AHRR: variants seen among roughly 807,000 people sequenced by gnomAD.
The protein encoded by AHRR is aryl hydrocarbon receptor repressor.
A neutral mutation model predicts 44.0 loss-of-function variants in AHRR; 28 were observed. That is an observed-to-expected ratio of 0.64 (90% CI 0.47 to 0.87). The LOEUF is 0.87. AHRR is among the 40% of genes least tolerant of loss of function. The pLI is 0.00. For synonymous variants in AHRR, 434 were observed against 407.0 expected (o/e 1.07, Z -0.80); for missense variants, 990 against 953.9 (o/e 1.04, Z -0.50).
At chr5:367,096 G>C (rs572834305) in intron 3 of AHRR, among the ~76,000 whole-genome samples, 1 of 152,378 alleles carries the variant, frequency 6.6e-6, no homozygotes, top group Admixed American at 6.5e-5. Flanking sequence ...TCATCTCAAA[G>C]CATAAGCAGG....
chr5:411,155 T>C lies in AHRR; in HGVS notation c.352-2189T>C, dbSNP rs1376084264. ...ACCATTTTCATGGATTTTTGACTCTTACCTTTATTTTTTCTTTCCTTTTAC... is the reference window on the plus strand; with the variant it reads ...ACCATTTTCATGGATTTTTGACTCTCACCTTTATTTTTTCTTTCCTTTTAC... On this transcript the variant is annotated intron_variant, in intron 4 of 10. Coordinates refer to ENST00000684583, the MANE Select transcript of AHRR (RefSeq NM_001377236.1). The surrounding 1 kb of genome is among the most constrained non-coding windows in gnomAD (Gnocchi z 4.2). Among the ~76,000 whole-genome samples the C allele has an allele frequency of 6.6e-6, 1 of 152,192 alleles. No homozygotes were observed. The highest frequency in any genetic ancestry group is 1.5e-5 in the Non-Finnish European group (1 of 68,046).
At chr5:426,524 G>A (rs948450707) in intron 7 of AHRR, among the ~76,000 whole-genome samples, 1 of 150,548 alleles carries the variant, frequency 6.6e-6, no homozygotes, top group African/African-American at 2.4e-5. Flanking sequence ...GGATGAATGG[G>A]AAGATGACGG....
At chr5:353,948 T>A in intron 3 of AHRR, 37 bp downstream of exon 3, 1 of 1,581,566 alleles carries the variant, frequency 6.3e-7, no homozygotes. Context: ...TTCACTTGAG[T>A]CAGGCTGTGT....
chr5:401,396 TG>T (rs1387515947), intron 4 of AHRR, among the ~76,000 whole-genome samples: 1 of 152,232 alleles, frequency 6.6e-6, no homozygotes, highest in East Asian at 1.9e-4. Context: ...GGTTGCTCCC[TG>T]TCTGCATCAC....
intron 1 of AHRR, among the ~76,000 whole-genome samples, chr5:340,686 ATATTTTTTTT>A (rs1334346271): frequency 0.011 from 212 of 19,476 alleles, 3 homozygotes; most frequent in South Asian, 0.063. Context: ...ATATATATAT[ATATTTTTTTT>A]TTTTTTTTTT....
chr5:364,223 T>C (rs1276580915), intron 3 of AHRR, among the ~76,000 whole-genome samples: 1 of 152,150 alleles, frequency 6.6e-6, no homozygotes, highest in Non-Finnish European at 1.5e-5. Flanking sequence ...GAGATAACTT[T>C]ATTAAAGGAG....
intron 5 of AHRR, among the ~76,000 whole-genome samples, chr5:421,520 G>A (rs1455794626): frequency 1.3e-5 from 2 of 152,206 alleles, no homozygotes; most frequent in Non-Finnish European, 2.9e-5. Context: ...CGGTGTGTTC[G>A]TGATTGGGCG....
intron 2 of AHRR, among the ~76,000 whole-genome samples, chr5:351,475 C>T (rs919202832): frequency 2.6e-5 from 4 of 152,162 alleles, no homozygotes; most frequent in African/African-American, 7.2e-5. Context: ...CTTGAAAACA[C>T]GAGGCTGTGA....
rs2126442352 is a variant in AHRR at position 376,247 on chromosome 5, G to A, written c.245-363G>A. 2.0e-5 allele frequency among the ~76,000 whole-genome samples: 3 copies of A among 152,200 alleles called. 1 individual carries two copies. In the Middle Eastern group the frequency reaches 0.01, roughly 518 times the overall value. On this transcript the variant is annotated intron_variant, in intron 3 of 10. Transcript: ENST00000684583. Reference sequence around the variant, plus strand: ...TGGCTTCAGGGGGATCTGGCAGGAAGCCAGACTTTGTCCCAAGACTGGGTG... The same window carrying A: ...TGGCTTCAGGGGGATCTGGCAGGAAACCAGACTTTGTCCCAAGACTGGGTG...
intron 3 of AHRR, among the ~76,000 whole-genome samples, chr5:367,181 C>G (rs955806789): frequency 6.6e-6 from 1 of 152,178 alleles, no homozygotes; most frequent in Admixed American, 6.5e-5. Context: ...TGGGGGGTCG[C>G]CGCAGATCCC....
intron 4 of AHRR, among the ~76,000 whole-genome samples, chr5:401,926 G>A (rs1735029830): frequency 6.6e-6 from 1 of 152,100 alleles, no homozygotes; most frequent in Admixed American, 6.5e-5. Context: ...AAAAGAGCGG[G>A]GCAGCAAAAG....
intron 4 of AHRR, among the ~76,000 whole-genome samples, chr5:409,583 T>G (rs2672745): frequency 0.012 from 1,868 of 152,322 alleles, 43 homozygotes; most frequent in African/African-American, 0.044. Flanking sequence ...TATATTTTCA[T>G]GTGTATGATG....
At chr5:393,240 G>A (rs1734551813) in intron 4 of AHRR, among the ~76,000 whole-genome samples, 1 of 152,150 alleles carries the variant, frequency 6.6e-6, no homozygotes, top group Non-Finnish European at 1.5e-5. Context: ...CGCGTCCTCC[G>A]GCCCTCCCCA....
intron 4 of AHRR, among the ~76,000 whole-genome samples, chr5:407,586 C>T (rs1056611174): frequency 6.6e-6 from 1 of 152,130 alleles, no homozygotes; most frequent in Non-Finnish European, 1.5e-5. Context: ...GTTGCCCAGG[C>T]TGGAGTGTAA....
intron 4 of AHRR, among the ~76,000 whole-genome samples, chr5:390,615 C>T (rs962839402): frequency 5.3e-5 from 8 of 152,040 alleles, no homozygotes; most frequent in South Asian, 2.1e-4. Context: ...TGAGAGACGC[C>T]GGGGGTCAGA....
Position 337,903 on chromosome 5 carries a change from C to T in AHRR, c.-10-5990C>T, listed in dbSNP as rs1742199049. 6.6e-6 allele frequency among the ~76,000 whole-genome samples: 1 copy of T among 152,220 alleles called. No individual in the cohort carries two copies. Among genetic ancestry groups the T allele is most frequent in the Non-Finnish European group, 1.5e-5 (1 of 68,040 alleles). On this transcript the variant is annotated intron_variant, in intron 1 of 10. Transcript: ENST00000684583. This position sits in a 1 kb window ranked among gnomAD's most constrained non-coding sequence, Gnocchi z 4.1. The stretch of plus-strand genomic sequence containing the variant: ...CTGGAACCAGGAGAGGCTCCTTCTT[C>T]CTGCTGGGCTCCTCTAGGACCGTAT...
chr5:426,396 A>ATGGATGGATGGATGGT (rs1242556984), intron 7 of AHRR, among the ~76,000 whole-genome samples: 17 of 145,138 alleles, frequency 1.2e-4, no homozygotes, highest in African/African-American at 4.3e-4. Context: ...AGATGGATGA[A>ATGGATGGATGGATGGT]TGGATGGATG....
intron 5 of AHRR, among the ~76,000 whole-genome samples, chr5:416,758 G>A (rs1372371568): frequency 6.6e-5 from 10 of 152,238 alleles, no homozygotes; most frequent in East Asian, 5.8e-4. Context: ...GTGGGGTGCC[G>A]TGAACGGGGG....
At position 344,840 on chromosome 5, in the gene AHRR, T is replaced by TGTGTGGCAG. The variant is rs1553978811; in HGVS notation, c.62+881_62+882insGCAGGTGTG. ...GTGTGTGTGGGGGACTGTAGGGAGC[T>TGTGTGGCAG]GTGTGTGTGGGGTGTGTGAGACTGT... On this transcript the variant is annotated intron_variant, in intron 2 of 10. Transcript: ENST00000684583. Among the ~76,000 whole-genome samples, 2 of 94,668 alleles carry TGTGTGGCAG rather than the reference T, an allele frequency of 2.1e-5. 1 individual carries two copies. The highest frequency in any genetic ancestry group is 2.2e-4 in the African/African-American group (2 of 8,974). The allele number at this position is 94,668 out of a possible 152,430, so 62.1% of individuals were successfully genotyped here. A position where few individuals can be genotyped will look rare whatever the true frequency, so the allele number is the denominator to read the frequency against.
Sources: gnomAD v4.1 joint callset for allele counts (sites outside exome capture counted in the v4.1 genomes callset) on GRCh38, gnomAD v4.1.1 for gene constraint, Gnocchi (gnomAD v3.1) non-coding constraint, MANE v1.5 for transcripts, NCBI Gene and HGNC (gene_info 2026-07-23, HGNC 2026-07-21) for gene names.